Variants in WDR70 observed in about 807,000 individuals in gnomAD.
WDR70 encodes the protein WD repeat domain 70.
WDR70 carries 53 observed loss-of-function variants against 88.6 expected under a neutral mutation model. That is an observed-to-expected ratio of 0.60 (90% confidence interval 0.48 to 0.75). The LOEUF is 0.75. WDR70 is among the 30% of genes least tolerant of loss of function. The pLI is 0.00. For missense variants in WDR70, 610 were observed against 823.2 expected (o/e 0.74, Z 3.17); for synonymous variants, 280 against 270.0 (o/e 1.04, Z -0.36).
At chr5:37,508,479 A>G (rs1198314814) in intron 8 of WDR70, among the ~76,000 whole-genome samples, 1 of 152,208 alleles carries the variant, frequency 6.6e-6, no homozygotes, top group Non-Finnish European at 1.5e-5. Flanking sequence ...GCTTTTATCA[A>G]GTTGAGTAAG....
chr5:37,593,473 A>G (rs180979128), intron 9 of WDR70, among the ~76,000 whole-genome samples: 1 of 152,210 alleles, frequency 6.6e-6, no homozygotes, highest in Non-Finnish European at 1.5e-5. Flanking sequence ...TGCAAAGGAC[A>G]TGAACTCATC....
At chr5:37,534,283 G>A (rs1461545921) in intron 9 of WDR70, among the ~76,000 whole-genome samples, 1 of 152,156 alleles carries the variant, frequency 6.6e-6, no homozygotes, top group African/African-American at 2.4e-5. Context: ...GGTTTTGAAT[G>A]GGGTATAAGG....
At chr5:37,648,149 G>T (rs1745288669) in intron 10 of WDR70, among the ~76,000 whole-genome samples, 2 of 152,160 alleles carry the variant, frequency 1.3e-5, no homozygotes. Context: ...TACATAGGGT[G>T]AGGCTCAGCC....
At chr5:37,391,929 T>C (rs1261049853) in intron 3 of WDR70, 71 bp from the exon 4 acceptor site, 35 of 1,504,162 alleles carry the variant, frequency 2.3e-5, no homozygotes, top group Non-Finnish European at 3.0e-5. Flanking sequence ...ATTTTTAGCC[T>C]TTCTAATACT....
intron 7 of WDR70, chr5:37,479,588 T>G: frequency 3.3e-6 from 1 of 306,190 alleles, no homozygotes; most frequent in Admixed American, 4.5e-5. Context: ...TCCGGCTGAT[T>G]TTGAACTCCT....
chr5:37,669,207 T>C (rs965571206), intron 10 of WDR70, among the ~76,000 whole-genome samples: 29 of 152,206 alleles, frequency 1.9e-4, no homozygotes, highest in African/African-American at 6.8e-4. Context: ...GTAAATGTTG[T>C]TGACATTGTA....
intron 9 of WDR70, among the ~76,000 whole-genome samples, chr5:37,550,001 A>C (rs957638506): frequency 3.3e-5 from 5 of 152,010 alleles, no homozygotes; most frequent in African/African-American, 1.2e-4. Flanking sequence ...AGCTGGATTT[A>C]CAGGCATGTG....
At chr5:37,637,441 A>G (rs1390077055) in intron 10 of WDR70, among the ~76,000 whole-genome samples, 2 of 152,154 alleles carry the variant, frequency 1.3e-5, no homozygotes, top group Admixed American at 6.5e-5. Flanking sequence ...TGGTGTCAAC[A>G]TAGCAGGGTT....
At chr5:37,581,498 A>G (rs552195286) in intron 9 of WDR70, among the ~76,000 whole-genome samples, 7 of 152,288 alleles carry the variant, frequency 4.6e-5, no homozygotes, top group African/African-American at 1.2e-4. Flanking sequence ...ATTTTTCTAT[A>G]CTGTTACTCA....
At chr5:37,432,859 G>T (rs990434105) in intron 5 of WDR70, among the ~76,000 whole-genome samples, 1 of 152,050 alleles carries the variant, frequency 6.6e-6, no homozygotes, top group African/African-American at 2.4e-5. Context: ...CACCGCACCC[G>T]GCCTTTTGCT....
chr5:37,532,851 G>A (rs796257761), intron 9 of WDR70, among the ~76,000 whole-genome samples: 2 of 152,140 alleles, frequency 1.3e-5, no homozygotes, highest in African/African-American at 4.8e-5. Flanking sequence ...TTGTCATATT[G>A]CCAGAGTTGT....
chr5:37,620,617 AT>A (rs1055828475), intron 10 of WDR70, among the ~76,000 whole-genome samples: 2 of 151,208 alleles, frequency 1.3e-5, no homozygotes, highest in Non-Finnish European at 3.0e-5. Flanking sequence ...TGTGCACTCC[AT>A]TTTTTTTTGT....
At chr5:37,614,696 A>G (rs1269626769) in intron 10 of WDR70, among the ~76,000 whole-genome samples, 24 of 152,330 alleles carry the variant, frequency 1.6e-4, no homozygotes, top group Non-Finnish European at 8.8e-5. Flanking sequence ...CTCAAAGCCT[A>G]AGATACTTAC....
chr5:37,508,771 G>T (rs1280510155), intron 8 of WDR70, among the ~76,000 whole-genome samples: 1 of 152,074 alleles, frequency 6.6e-6, no homozygotes, highest in Non-Finnish European at 1.5e-5. Flanking sequence ...CTTGATTTTG[G>T]TATCAGGGTG....
At chr5:37,534,475 T>C (rs568914481) in intron 9 of WDR70, among the ~76,000 whole-genome samples, 3 of 147,986 alleles carry the variant, frequency 2.0e-5, no homozygotes, top group African/African-American at 7.5e-5. Context: ...TATCAGTTTT[T>C]CCCCCCATAC....
intron 7 of WDR70, among the ~76,000 whole-genome samples, chr5:37,462,337 C>G (rs1739031144): frequency 6.6e-6 from 1 of 152,150 alleles, no homozygotes; most frequent in African/African-American, 2.4e-5. Flanking sequence ...GAGTCTCGCT[C>G]ATTCGCCCAG....
intron 9 of WDR70, among the ~76,000 whole-genome samples, chr5:37,533,456 A>G (rs976513701): frequency 3.5e-5 from 5 of 142,220 alleles, no homozygotes; most frequent in Admixed American, 2.8e-4. Flanking sequence ...CAACAAAACA[A>G]TCACCACCAC....
chr5:37,662,007 T>C (rs1030806974), intron 10 of WDR70, among the ~76,000 whole-genome samples: 14 of 152,304 alleles, frequency 9.2e-5, no homozygotes, highest in African/African-American at 3.1e-4. Flanking sequence ...TATTATCTAT[T>C]TTGTTTCAGA....
intron 9 of WDR70, among the ~76,000 whole-genome samples, chr5:37,529,376 A>G (rs1214025771): frequency 6.6e-6 from 1 of 152,002 alleles, no homozygotes; most frequent in Non-Finnish European, 1.5e-5. Context: ...TGGTATTTTG[A>G]TGGAAATTGC....
Sources: gnomAD v4.1 joint callset for allele counts (sites outside exome capture counted in the v4.1 genomes callset) on GRCh38, gnomAD v4.1.1 for gene constraint, MANE v1.5 for transcripts, NCBI Gene and HGNC (gene_info 2026-07-23, HGNC 2026-07-21) for gene names.